The following DOP1B variants were observed in gnomAD, a reference collection of about 807,000 sequenced individuals.
DOP1B encodes the protein DOP1 leucine zipper like protein B.
DOP1B carries 174 observed loss-of-function variants against 233.5 expected under a neutral mutation model. The ratio of observed to expected loss-of-function variants is 0.75; its 90% CI spans 0.66 to 0.85. The LOEUF is 0.85. Ranked by LOEUF, DOP1B falls within the 40% of genes least tolerant of loss-of-function variation. The pLI, the probability that DOP1B is intolerant of heterozygous loss-of-function variation, is 0.00. For synonymous variants in DOP1B, 1,190 were observed against 1,185.6 expected (o/e 1.00, Z -0.08); for missense variants, 2,652 against 2,846.6 (o/e 0.93, Z 1.56).
At chr21:36,233,261 C>A (rs1446866569) in intron 15 of DOP1B, among the ~76,000 whole-genome samples, 186 bp downstream of exon 15, 1 of 152,178 alleles carries the variant, frequency 6.6e-6, no homozygotes, top group Non-Finnish European at 1.5e-5. Context: ...TCCAGGAAAG[C>A]TACAGTGAGA....
intron 14 of DOP1B, among the ~76,000 whole-genome samples, chr21:36,231,655 G>A (rs1224052286): frequency 6.7e-6 from 1 of 149,148 alleles, no homozygotes; most frequent in Non-Finnish European, 1.5e-5. Context: ...TGTTGATAAA[G>A]TTTTTTTTGT....
intron 13 of DOP1B, among the ~76,000 whole-genome samples, chr21:36,228,309 A>G (rs186978812): frequency 1.3e-5 from 2 of 152,200 alleles, no homozygotes; most frequent in Admixed American, 1.3e-4. Context: ...TTAAAAATAC[A>G]AAAATTAGCC....
At chr21:36,275,684 G>T (rs2067342036) in intron 27 of DOP1B, among the ~76,000 whole-genome samples, 2 of 152,226 alleles carry the variant, frequency 1.3e-5, no homozygotes, top group South Asian at 4.2e-4. Context: ...GGAACATGTG[G>T]TAGCATCAAG....
chr21:36,266,751 C>T (rs1003978323), intron 26 of DOP1B, among the ~76,000 whole-genome samples: 2 of 152,232 alleles, frequency 1.3e-5, no homozygotes, highest in Admixed American at 1.3e-4. Context: ...CTGAAGTTCT[C>T]TGGGGGCCCC....
At chr21:36,178,189 G>A (rs572713234) in intron 2 of DOP1B, among the ~76,000 whole-genome samples, 151 of 152,132 alleles carry the variant, frequency 9.9e-4, no homozygotes, top group Non-Finnish European at 1.4e-3. Flanking sequence ...TAGGACTGTG[G>A]CCTTATAAGA....
At chr21:36,263,237 CAA>C (rs34161973) in intron 24 of DOP1B, among the ~76,000 whole-genome samples, 10 of 102,976 alleles carry the variant, frequency 9.7e-5, no homozygotes, top group Non-Finnish European at 1.7e-4. Flanking sequence ...TCCGTCTCAC[CAA>C]AAAAAAAAAA....
chr21:36,277,493 G>A (rs2067365624), intron 28 of DOP1B, among the ~76,000 whole-genome samples: 1 of 151,982 alleles, frequency 6.6e-6, no homozygotes, highest in Non-Finnish European at 1.5e-5. Context: ...GTGTTGGCCA[G>A]GATGGTCTCA....
intron 26 of DOP1B, among the ~76,000 whole-genome samples, chr21:36,268,419 T>TA (rs1210363673): frequency 6.6e-6 from 1 of 152,200 alleles, no homozygotes; most frequent in Non-Finnish European, 1.5e-5. Flanking sequence ...AAATCACTGT[T>TA]ACTCTGTTCT....
chr21:36,162,746 T>C (rs931701975), intron 1 of DOP1B, among the ~76,000 whole-genome samples: 2 of 152,058 alleles, frequency 1.3e-5, no homozygotes, highest in East Asian at 1.9e-4. Context: ...GTTTTCACGA[T>C]GTTGGCCAGG....
At chr21:36,268,745 C>A (rs2067255998) in intron 26 of DOP1B, among the ~76,000 whole-genome samples, 1 of 152,196 alleles carries the variant, frequency 6.6e-6, no homozygotes, top group Non-Finnish European at 1.5e-5. Context: ...TCTTGGCTCA[C>A]CACAAGCTCT....
At chr21:36,243,275 C>G (rs937513794) in intron 18 of DOP1B, among the ~76,000 whole-genome samples, 2 of 151,842 alleles carry the variant, frequency 1.3e-5, no homozygotes, top group African/African-American at 4.8e-5. Flanking sequence ...CTACCATGCC[C>G]GGCTCATGGC....
At chr21:36,267,847 A>G (rs1158139271) in intron 26 of DOP1B, among the ~76,000 whole-genome samples, 2 of 152,014 alleles carry the variant, frequency 1.3e-5, no homozygotes, top group African/African-American at 4.8e-5. Flanking sequence ...GCAAGTTTTT[A>G]TTAAGGGTTT....
rs2066939507 is a variant in DOP1B, at chr21:36,245,080, A to G, written c.3100A>G (p.Thr1034Ala). The G allele has an allele frequency of 4.4e-6, 7 of 1,599,682 alleles. No homozygotes were observed. Among genetic ancestry groups the G allele is most frequent in the Non-Finnish European group, 6.0e-6 (7 of 1,168,482 alleles). The change falls in exon 19 of 37, where the codon ACC (threonine) becomes GCC (alanine). Residue 1034 changes from threonine (T) to alanine (A), a missense_variant. By Grantham distance (58) the Thr-to-Ala change is moderately conservative. Transcript: ENST00000691173. The surrounding 1 kb of genome is among the most constrained non-coding windows in gnomAD (Gnocchi z 5.5). ...DLHRWFNRKK[T>A]SFREACAVPE... Reference sequence around the variant, plus strand: ...GCACCGTTGGTTTAACAGGAAGAAAACCTCTTTCAGAGAGGCATGCGCAGT... The same window carrying G: ...GCACCGTTGGTTTAACAGGAAGAAAGCCTCTTTCAGAGAGGCATGCGCAGT...
At chr21:36,163,818 C>G (rs2065887718) in intron 1 of DOP1B, among the ~76,000 whole-genome samples, 1 of 152,212 alleles carries the variant, frequency 6.6e-6, no homozygotes, top group Non-Finnish European at 1.5e-5. Flanking sequence ...ATCATGCCAT[C>G]TGGGGCTGCA....
intron 2 of DOP1B, among the ~76,000 whole-genome samples, chr21:36,165,573 C>G (rs1239844397): frequency 6.6e-6 from 1 of 152,142 alleles, no homozygotes; most frequent in African/African-American, 2.4e-5. Context: ...GGACGCACAG[C>G]AGGAGGTGAG....
intron 2 of DOP1B, among the ~76,000 whole-genome samples, chr21:36,183,412 T>C (rs901716082): frequency 6.6e-6 from 1 of 152,256 alleles, no homozygotes; most frequent in Non-Finnish European, 1.5e-5. Context: ...GTCTGTTCTT[T>C]ACAGCCACAC....
At chr21:36,292,279 CAG>C in intron 36 of DOP1B, 46 bp downstream of exon 36, 5 of 1,306,706 alleles carry the variant, frequency 3.8e-6, no homozygotes, top group South Asian at 1.4e-5. Context: ...TTTGGTGAGA[CAG>C]AGTTTCACTC....
Position 36,246,813 on chromosome 21 carries a change from G to A in DOP1B, c.4697+136G>A, listed in dbSNP as rs2066971304. 2 of 977,260 alleles carry A rather than the reference G, an allele frequency of 2.0e-6. No homozygotes were observed. Among genetic ancestry groups the A allele is most frequent in the Non-Finnish European group, 1.5e-6 (1 of 674,178 alleles). The allele number at this position is 977,260 out of a possible 1,614,324, so 60.5% of individuals were successfully genotyped here. On this transcript the variant is annotated intron_variant, in intron 19 of 36. Coordinates refer to ENST00000691173, the MANE Select transcript of DOP1B (RefSeq NM_001320714.2). The surrounding 1 kb of genome is among the most constrained non-coding windows in gnomAD (Gnocchi z 5.1). ...AGAAGCCTGTTTAGCATTATCAAGA[G>A]GGGTAACAAGCAACTAAATGTTCTG...
intron 2 of DOP1B, among the ~76,000 whole-genome samples, chr21:36,194,473 TTCTC>T (rs201416655): frequency 2.2e-5 from 3 of 135,428 alleles, no homozygotes; most frequent in Non-Finnish European, 3.1e-5. Flanking sequence ...TTTGCTGCAT[TTCTC>T]TCTCTCTCTC....
Sources: gnomAD v4.1 joint callset for allele counts (sites outside exome capture counted in the v4.1 genomes callset) on GRCh38, gnomAD v4.1.1 for gene constraint, Gnocchi (gnomAD v3.1) non-coding constraint, MANE v1.5 for transcripts, NCBI Gene and HGNC (gene_info 2026-07-23, HGNC 2026-07-21) for gene names.